Variants in CDC37L1 observed in about 807,000 individuals in gnomAD.
CDC37L1 encodes cell division cycle 37 like 1, HSP90 cochaperone.
Under a neutral mutation model 45.9 loss-of-function variants are expected in CDC37L1, and 32 were observed. The ratio of observed to expected loss-of-function variants is 0.70; its 90% CI spans 0.53 to 0.94. CDC37L1 has a LOEUF of 0.94. Ranked by LOEUF, CDC37L1 falls within the 40% of genes least tolerant of loss-of-function variation. The pLI is 0.00. For synonymous variants in CDC37L1, 150 were observed against 133.0 expected (o/e 1.13, Z -0.88); for missense variants, 434 against 405.7 (o/e 1.07, Z -0.60).
At chr9:4,701,728 G>A (rs886441817) in intron 5 of CDC37L1, 136 bp from the exon 6 acceptor site, 13 of 530,210 alleles carry the variant, frequency 2.5e-5, no homozygotes, top group Non-Finnish European at 2.9e-5. Flanking sequence ...GACAGGGATC[G>A]TGGTGGTTTC....
intron 2 of CDC37L1, 60 bp downstream of exon 2, chr9:4,685,218 G>T: frequency 7.7e-7 from 1 of 1,294,180 alleles, no homozygotes; most frequent in South Asian, 1.3e-5. Context: ...GTACAAACCA[G>T]TTGTGCGTAT....
At chr9:4,699,310 C>T (rs944223649) in intron 5 of CDC37L1, among the ~76,000 whole-genome samples, 42 of 151,974 alleles carry the variant, frequency 2.8e-4, no homozygotes, top group African/African-American at 9.9e-4. Flanking sequence ...GAAATACTCA[C>T]AGATTTTGTG....
Position 4,685,132 on chromosome 9 carries a change from G to A in CDC37L1, c.388G>A (p.Ala130Thr). Residue 130 changes from alanine to threonine, a missense_variant, in exon 2 of 7, where the codon GCC becomes ACC. Transcript: ENST00000381854. ...GAAGATGTGTCTGTGGAGCACGGAT[G>A]CCATTAGCAAGGATGTTTTTAATAA... The part of the protein sequence containing the change: ...REKMCLWSTD[A>T]ISKDVFNKSF... The A allele has an allele frequency of 6.2e-7, 1 of 1,613,768 alleles. No homozygotes were observed. Among genetic ancestry groups the A allele is most frequent in the Non-Finnish European group, 8.5e-7 (1 of 1,179,686 alleles).
chr9:4,681,272 C>T (rs1464611204), intron 1 of CDC37L1, among the ~76,000 whole-genome samples: 1 of 152,174 alleles, frequency 6.6e-6, no homozygotes, highest in East Asian at 1.9e-4. Flanking sequence ...TTGTGCACTT[C>T]TAAATTTGTT....
chr9:4,702,647 C>T (rs969447470), intron 6 of CDC37L1, among the ~76,000 whole-genome samples: 6 of 151,580 alleles, frequency 4.0e-5, no homozygotes, highest in African/African-American at 7.3e-5. Flanking sequence ...TTTGGAAGGC[C>T]GAGACAGGCA....
intron 1 of CDC37L1, 35 bp from the exon 2 acceptor site, chr9:4,684,842 T>C: frequency 2.0e-6 from 3 of 1,529,550 alleles, no homozygotes; most frequent in Non-Finnish European, 1.8e-6. Context: ...CATCCATTGC[T>C]TTCTTCATTT....
intron 6 of CDC37L1, 29 bp from the exon 7 acceptor site, chr9:4,705,982 C>A: frequency 9.2e-7 from 1 of 1,087,222 alleles, no homozygotes; most frequent in South Asian, 1.3e-5. Flanking sequence ...TCTTTTTCTC[C>A]CCCCAATCTA....
chr9:4,702,588 T>C (rs1841408608), intron 6 of CDC37L1, among the ~76,000 whole-genome samples: 1 of 151,942 alleles, frequency 6.6e-6, no homozygotes, highest in African/African-American at 2.4e-5. Flanking sequence ...TTGATCAAGA[T>C]AAAACCATGT....
intron 3 of CDC37L1, among the ~76,000 whole-genome samples, chr9:4,694,431 C>A (rs916299489): frequency 6.6e-6 from 1 of 152,062 alleles, no homozygotes; most frequent in African/African-American, 2.4e-5. Context: ...AGGTCTGTAT[C>A]GACTACCTGT....
intron 2 of CDC37L1, among the ~76,000 whole-genome samples, chr9:4,687,646 T>G (rs907925842): frequency 1.7e-5 from 2 of 121,092 alleles, no homozygotes; most frequent in Non-Finnish European, 3.1e-5. Flanking sequence ...GCCACTGTAC[T>G]CCAGCCTGGG....
At chr9:4,680,742 C>T (rs900049035) in intron 1 of CDC37L1, among the ~76,000 whole-genome samples, 6 of 152,178 alleles carry the variant, frequency 3.9e-5, no homozygotes, top group Non-Finnish European at 8.8e-5. Flanking sequence ...ACAGACTAAA[C>T]ACTAATATAT....
intron 4 of CDC37L1, 56 bp downstream of exon 4, chr9:4,697,267 A>G: frequency 1.2e-6 from 1 of 808,520 alleles, no homozygotes; most frequent in South Asian, 1.5e-5. Context: ...CTGATTTCAT[A>G]CTTTATTGAT....
intron 3 of CDC37L1, among the ~76,000 whole-genome samples, chr9:4,694,776 A>G (rs1345600169): frequency 6.6e-6 from 1 of 152,132 alleles, no homozygotes; most frequent in Non-Finnish European, 1.5e-5. Flanking sequence ...AGGCTGAGGC[A>G]GGAGAATTAC....
At chr9:4,685,773 C>T (rs537859051) in intron 2 of CDC37L1, among the ~76,000 whole-genome samples, 2 of 152,202 alleles carry the variant, frequency 1.3e-5, no homozygotes, top group Admixed American at 1.3e-4. Context: ...CATTTGAAAA[C>T]TAGAGTTTTT....
intron 6 of CDC37L1, among the ~76,000 whole-genome samples, chr9:4,705,367 AG>A (rs377764917): frequency 3.3e-5 from 5 of 152,120 alleles, no homozygotes; most frequent in South Asian, 2.1e-4. Flanking sequence ...GCATTTATTG[AG>A]TAAGATTTTA....
At position 4,702,736 on chromosome 9, in the gene CDC37L1, A is replaced by G. The variant is rs1841410725; in HGVS notation, c.912+708A>G. ...CTCTTCTAAAAAAAAAAAATACAAAAAAATTAGCCGGGCGTGGTGGCAGGC... is the reference window on the plus strand; with the variant it reads ...CTCTTCTAAAAAAAAAAAATACAAAGAAATTAGCCGGGCGTGGTGGCAGGC... On this transcript the variant is annotated intron_variant, in intron 6 of 6. Coordinates refer to ENST00000381854, the MANE Select transcript of CDC37L1 (RefSeq NM_017913.4). Among the ~76,000 whole-genome samples, 5 of 151,884 alleles carry G rather than the reference A, an allele frequency of 3.3e-5. No homozygotes were observed. The South Asian group carries it at 8.3e-4, about 25-fold the overall frequency.
intron 3 of CDC37L1, among the ~76,000 whole-genome samples, chr9:4,689,037 T>C (rs1841276963): frequency 6.6e-6 from 1 of 152,172 alleles, no homozygotes; most frequent in Non-Finnish European, 1.5e-5. Flanking sequence ...CAGATAAATA[T>C]AGTAATAGAA....
chr9:4,679,689 C>G lies in CDC37L1; in HGVS notation c.-79C>G. On this transcript the variant is annotated 5_prime_UTR_variant, in exon 1 of 7. Coordinates refer to ENST00000381854, the MANE Select transcript of CDC37L1 (RefSeq NM_017913.4). ...CGGCTGGGCTTCTGGCTCGGCGCAG[C>G]AGGTTCCATTCACGCCAAGTCTGTT... 1.5e-6 allele frequency: 2 copies of G among 1,367,342 alleles called. No individual in the cohort carries two copies. Among genetic ancestry groups the G allele is most frequent in the Non-Finnish European group, 2.0e-6 (2 of 1,004,532 alleles). 84.7% of individuals were successfully genotyped at this position (1,367,342 alleles called of 1,614,324 possible). A position where few individuals can be genotyped will look rare whatever the true frequency, so the allele number is the denominator to read the frequency against.
chr9:4,696,166 G>T (rs1235278806), intron 3 of CDC37L1, among the ~76,000 whole-genome samples: 2 of 152,146 alleles, frequency 1.3e-5, no homozygotes, highest in Non-Finnish European at 2.9e-5. Flanking sequence ...TTCTCAGTAG[G>T]ACATTTGTCT....
Sources: gnomAD v4.1 joint callset for allele counts (sites outside exome capture counted in the v4.1 genomes callset) on GRCh38, gnomAD v4.1.1 for gene constraint, MANE v1.5 for transcripts, NCBI Gene and HGNC (gene_info 2026-07-23, HGNC 2026-07-21) for gene names.